IRF9: variants seen among roughly 807,000 people sequenced by gnomAD.
IRF9 encodes the protein interferon regulatory factor 9, also known as IFN-alpha-responsive transcription factor subunit.
IRF9 carries 13 observed loss-of-function variants against 44.1 expected under a neutral mutation model. The observed-to-expected ratio is 0.29, with a 90% CI of 0.19 to 0.47. The LOEUF is 0.47. Ranked by LOEUF, IRF9 falls within the 20% of genes least tolerant of loss-of-function variation. The probability of loss-of-function intolerance (pLI) is 1.00; values close to 1 mark genes in which losing one functional copy is unlikely to be tolerated. For missense variants in IRF9, 373 were observed against 496.1 expected (o/e 0.75, Z 2.36); for synonymous variants, 189 against 188.5 (o/e 1.00, Z -0.02).
At position 24,162,330 on chromosome 14, in the gene IRF9, A is replaced by G. The variant is rs753429658; in HGVS notation, c.180+6A>G. On this transcript the variant is annotated splice_donor_region_variant and intron_variant, in intron 2 of 8. Coordinates refer to ENST00000396864, the MANE Select transcript of IRF9 (RefSeq NM_006084.5). ...AGGATGCTGCCTTCTTCAAGGTGAA[A>G]GGGCCTGGAAACCACTGTTCCTCTG... is the stretch of plus-strand genomic sequence containing the variant. The G allele has an allele frequency of 3.7e-6, 6 of 1,612,426 alleles. No homozygotes were observed. The Admixed American group carries it at 8.3e-5, about 22-fold the overall frequency.
Position 24,164,812 on chromosome 14 carries a change from G to T in IRF9, c.848G>T (p.Ser283Ile). The change falls in exon 7 of 9, where the codon AGC (serine) becomes ATC (isoleucine). Residue 283 changes from serine (S) to isoleucine (I), a missense_variant. Transcript: ENST00000396864. The surrounding 1 kb of genome is among the most constrained non-coding windows in gnomAD (Gnocchi z 5.2). ...CTTGAGAGGGGCATCCTAGTGGCCA[G>T]CAACCCCCGAGGCCTCTTCGTGCAG... ...SQLERGILVA[S>I]NPRGLFVQRL... 2 of 1,609,680 alleles carry T rather than the reference G, an allele frequency of 1.2e-6. No homozygotes were observed. Among genetic ancestry groups the T allele is most frequent in the Non-Finnish European group, 1.7e-6 (2 of 1,179,948 alleles).
intron 4 of IRF9, 120 bp downstream of exon 4, chr14:24,163,628 G>A (rs928988683): frequency 1.1e-5 from 13 of 1,236,848 alleles, no homozygotes; most frequent in Non-Finnish European, 1.5e-5. Flanking sequence ...CGTGAGGTCA[G>A]AAGTTCGAAA....
intron 2 of IRF9, chr14:24,162,748 G>A (rs1231661212): frequency 7.6e-6 from 4 of 525,800 alleles, no homozygotes; most frequent in South Asian, 4.7e-5. Context: ...GTAGTGAGTC[G>A]AGATCGCACC....
rs1252511398 is a variant in IRF9, at chr14:24,163,510, TAA to T, written c.495+3_495+4del. 5 of 1,613,442 alleles carry T rather than the reference TAA, an allele frequency of 3.1e-6. No homozygotes were observed. The highest frequency in any genetic ancestry group is 1.3e-5 in the African/African-American group (1 of 74,858). On this transcript the variant is annotated splice_donor_region_variant and intron_variant, in intron 4 of 8. Transcript: ENST00000396864. ...GTGCTCCAGGACTCCCTCAATAATG[TAA>T]GAGATGGAGAGGGAACTGGGTGGGC...
chr14:24,163,792 G>A (rs1203821268), intron 4 of IRF9, 86 bp from the exon 5 acceptor site: 4 of 1,348,988 alleles, frequency 3.0e-6, no homozygotes, highest in East Asian at 2.5e-5. Context: ...AGCCGAGATC[G>A]CGCCACTGCA....
Position 24,163,943 on chromosome 14 carries a change from C to A in IRF9, c.561C>A (p.Ser187Arg), listed in dbSNP as rs1448536650. The A allele has an allele frequency of 6.2e-7, 1 of 1,607,608 alleles. No individual in the cohort carries two copies. Among genetic ancestry groups the A allele is most frequent in the Non-Finnish European group, 8.5e-7 (1 of 1,177,874 alleles). ...SDIGSSSSSS[S>R]PEPQEVTDTT... Reference sequence around the variant, plus strand: ...TTGGGAGCAGCAGCAGCAGCAGCAGCCCTGAGCCACAGGAAGGTACCACCT... The same window carrying A: ...TTGGGAGCAGCAGCAGCAGCAGCAGACCTGAGCCACAGGAAGGTACCACCT... The change falls in exon 5 of 9, where the codon AGC becomes AGA. Residue 187 changes from serine to arginine, a missense_variant. Around this residue, in one of 2 missense-constraint regions of IRF9, gnomAD observed 227 missense variants for 255.3 expected, o/e 0.89. Coordinates refer to ENST00000396864, the MANE Select transcript of IRF9 (RefSeq NM_006084.5).
At chr14:24,165,266 G>T in intron 7 of IRF9, 1 of 692,602 alleles carries the variant, frequency 1.4e-6, no homozygotes, top group South Asian at 1.5e-5. Flanking sequence ...GTGCACAGAA[G>T]AATTGGCACA....
intron 4 of IRF9, 47 bp from the exon 5 acceptor site, chr14:24,163,831 C>CT: frequency 1.3e-6 from 2 of 1,549,356 alleles, no homozygotes; most frequent in Non-Finnish European, 1.7e-6. Flanking sequence ...GAGTGAAACT[C>CT]TGTCTCAAAA....
rs777272116 is a variant in IRF9, at chr14:24,164,559, G to T, written c.650-55G>T. 1.1e-5 allele frequency: 16 copies of T among 1,506,548 alleles called. 1 individual carries two copies. In the South Asian group the frequency reaches 1.7e-4, roughly 16 times the overall value. The allele number at this position is 1,506,548 out of a possible 1,614,324, so 93.3% of individuals were successfully genotyped here. On this transcript the variant is annotated intron_variant, in intron 6 of 8. Coordinates refer to ENST00000396864, the MANE Select transcript of IRF9 (RefSeq NM_006084.5). The surrounding 1 kb of genome is among the most constrained non-coding windows in gnomAD (Gnocchi z 5.2). ...GGTGGAGTTGTTCCCCTGGGGAGGG[G>T]CTGCTGCCAGCCTGCATGCTCCTCC...
chr14:24,163,371 T>G lies in IRF9; in HGVS notation c.365-7T>G, dbSNP rs773913481. ...TGACCTTTCTCTGTCCCTCAACAATTCCACAGGCCAGCCAGGGACTCAGAA... is the reference window on the plus strand; with the variant it reads ...TGACCTTTCTCTGTCCCTCAACAATGCCACAGGCCAGCCAGGGACTCAGAA... On this transcript the variant is annotated splice_region_variant and splice_polypyrimidine_tract_variant and intron_variant, in intron 3 of 8. Coordinates refer to ENST00000396864, the MANE Select transcript of IRF9 (RefSeq NM_006084.5). The G allele has an allele frequency of 3.1e-5, 50 of 1,612,748 alleles. No homozygotes were observed. The Admixed American group carries it at 7.7e-4, about 25-fold the overall frequency.
intron 2 of IRF9, 106 bp from the exon 3 acceptor site, chr14:24,162,860 T>G: frequency 2.4e-6 from 2 of 840,190 alleles, no homozygotes; most frequent in Non-Finnish European, 3.7e-6. Flanking sequence ...AGACCCTGCA[T>G]AATCCCTTCT....
At chr14:24,166,030 A>AG in intron 8 of IRF9, 68 bp downstream of exon 8, 2 of 1,576,348 alleles carry the variant, frequency 1.3e-6, no homozygotes, top group South Asian at 2.2e-5. Flanking sequence ...CAGGAGGCAA[A>AG]GGGGGTCTCC....
In IRF9 at chr14:24,164,237, T is replaced by C. The variant is rs2139105034; in HGVS notation, c.649+103T>C. 2 of 967,460 alleles carry C rather than the reference T, an allele frequency of 2.1e-6. No individual in the cohort carries two copies. Among genetic ancestry groups the C allele is most frequent in the South Asian group, 2.8e-5 (2 of 72,558 alleles). 59.9% of individuals were successfully genotyped at this position (967,460 alleles called of 1,614,324 possible). A position where few individuals can be genotyped will look rare whatever the true frequency, so the allele number is the denominator to read the frequency against. On this transcript the variant is annotated intron_variant, in intron 6 of 8. Coordinates refer to ENST00000396864, the MANE Select transcript of IRF9 (RefSeq NM_006084.5). The surrounding 1 kb of genome is among the most constrained non-coding windows in gnomAD (Gnocchi z 5.2). ...GTCAGTCAGGGCTTACAGCAAACTG[T>C]ACCCACATTACCATAGCCCTAGGCA...
rs1295827225 is a variant in IRF9, at chr14:24,164,242, A to G, written c.649+108A>G. 2 of 950,268 alleles carry G rather than the reference A, an allele frequency of 2.1e-6. No individual in the cohort carries two copies. Among genetic ancestry groups the G allele is most frequent in the Non-Finnish European group, 1.7e-6 (1 of 592,324 alleles). The allele number at this position is 950,268 out of a possible 1,614,324, so 58.9% of individuals were successfully genotyped here. A position where few individuals can be genotyped will look rare whatever the true frequency, so the allele number is the denominator to read the frequency against. ...TCAGGGCTTACAGCAAACTGTACCC[A>G]CATTACCATAGCCCTAGGCAGTGGT... On this transcript the variant is annotated intron_variant, in intron 6 of 8. Coordinates refer to ENST00000396864, the MANE Select transcript of IRF9 (RefSeq NM_006084.5). The surrounding 1 kb of genome is among the most constrained non-coding windows in gnomAD (Gnocchi z 5.2).
chr14:24,164,273 G>T lies in IRF9; in HGVS notation c.649+139G>T. 1 of 776,592 alleles carries T rather than the reference G, an allele frequency of 1.3e-6. No individual in the cohort carries two copies. The highest frequency in any genetic ancestry group is 1.7e-5 in the South Asian group (1 of 58,048). The allele number at this position is 776,592 out of a possible 1,614,324, so 48.1% of individuals were successfully genotyped here. On this transcript the variant is annotated intron_variant, in intron 6 of 8. Transcript: ENST00000396864. The surrounding 1 kb of genome is among the most constrained non-coding windows in gnomAD (Gnocchi z 5.2). The stretch of plus-strand genomic sequence containing the variant: ...CCATAGCCCTAGGCAGTGGTTTCTA[G>T]GTGGCGAGAATTCCATATGCCTGGC...
At chr14:24,163,604 A>C (rs910413575) in intron 4 of IRF9, 96 bp downstream of exon 4, 1 of 1,420,050 alleles carries the variant, frequency 7.0e-7, no homozygotes, top group Admixed American at 2.0e-5. Context: ...TGGGAGGCCG[A>C]GGCTGGCAGA....
At position 24,166,299 on chromosome 14, in the gene IRF9, T is replaced by C. The variant is rs2038521941; in HGVS notation, c.*103T>C. The C allele has an allele frequency of 3.0e-6, 3 of 1,002,664 alleles. No homozygotes were observed. Among genetic ancestry groups the C allele is most frequent in the East Asian group, 2.6e-5 (1 of 38,978 alleles). The allele number at this position is 1,002,664 out of a possible 1,614,324, so 62.1% of individuals were successfully genotyped here. A position where few individuals can be genotyped will look rare whatever the true frequency, so the allele number is the denominator to read the frequency against. On this transcript the variant is annotated 3_prime_UTR_variant, in exon 9 of 9. Coordinates refer to ENST00000396864, the MANE Select transcript of IRF9 (RefSeq NM_006084.5). ...TGACCTGTCCTCTTTGTGATAATTC[T>C]CAGTAGTTGTCCGTGATAATCGTGT...
Position 24,163,912 on chromosome 14 carries a change from C to T in IRF9, c.530C>T (p.Ser177Leu), listed in dbSNP as rs1439533647. Residue 177 changes from serine to leucine, a missense_variant, in exon 5 of 9, where the codon TCA becomes TTA. By Grantham distance (145) the Ser-to-Leu change is moderately radical. Transcript: ENST00000396864. The stretch of plus-strand genomic sequence containing the variant: ...GGGGCCAGTGGGGGAGCAGTCCATT[C>T]AGACATTGGGAGCAGCAGCAGCAGC... ...EEGASGGAVHSDIGSSSSSSS... is the reference protein window; with the variant it reads ...EEGASGGAVHLDIGSSSSSSS... The T allele has an allele frequency of 1.9e-6, 3 of 1,602,272 alleles. No homozygotes were observed. Among genetic ancestry groups the T allele is most frequent in the South Asian group, 2.2e-5 (2 of 89,470 alleles).
At chr14:24,165,350 C>T in intron 7 of IRF9, 1 of 633,280 alleles carries the variant, frequency 1.6e-6, no homozygotes, top group East Asian at 2.7e-5. Context: ...ACACACTGGC[C>T]CTGGCTGCAC....
Sources: gnomAD v4.1 joint callset for allele counts on GRCh38, gnomAD v4.1.1 for gene constraint, gnomAD v4.1.1 regional missense constraint, Gnocchi (gnomAD v3.1) non-coding constraint, MANE v1.5 for transcripts, NCBI Gene and HGNC (gene_info 2026-07-23, HGNC 2026-07-21) for gene names.